MDH2: variants seen among roughly 807,000 people sequenced by gnomAD.
The protein encoded by MDH2 is malate dehydrogenase 2.
Under a neutral mutation model 33.6 loss-of-function variants are expected in MDH2, and 25 were observed. The ratio of observed to expected loss-of-function variants is 0.74; its 90% confidence interval spans 0.54 to 1.04. The LOEUF is 1.04. MDH2 is among the 50% of genes least tolerant of loss of function. The pLI is 0.00. For missense variants in MDH2, 432 were observed against 445.0 expected (o/e 0.97, Z 0.26); for synonymous variants, 193 against 188.7 (o/e 1.02, Z -0.19).
chr7:76,050,932 A>G (rs1426668255), intron 1 of MDH2, among the ~76,000 whole-genome samples: 2 of 152,186 alleles, frequency 1.3e-5, no homozygotes, highest in Non-Finnish European at 2.9e-5. Context: ...CCCAGGCTGG[A>G]GTACAGTGGC....
rs3757591 is a variant in MDH2, at chr7:76,061,045, G to A, written c.555+547G>A. Among the ~76,000 whole-genome samples the A allele has an allele frequency of 1.2e-4, 19 of 152,232 alleles. No individual in the cohort carries two copies. In the East Asian group the frequency reaches 3.5e-3, roughly 28 times the overall value. On this transcript the variant is annotated intron_variant, in intron 5 of 8. Transcript: ENST00000315758. Reference sequence around the variant, plus strand: ...TGGCCAGGTGCCTGACCCTAGGGCCGCTGGACGGAGACTGAGCTGCTGGGT... The same window carrying A: ...TGGCCAGGTGCCTGACCCTAGGGCCACTGGACGGAGACTGAGCTGCTGGGT...
intron 5 of MDH2, among the ~76,000 whole-genome samples, chr7:76,062,374 G>A (rs1554587136): frequency 6.6e-6 from 1 of 152,206 alleles, no homozygotes; most frequent in African/African-American, 2.4e-5. Context: ...TCAGCCCCAC[G>A]TCCCTGGTGA....
intron 1 of MDH2, among the ~76,000 whole-genome samples, chr7:76,053,111 C>T (rs1797671500): frequency 1.3e-5 from 2 of 152,180 alleles, no homozygotes; most frequent in Admixed American, 6.5e-5. Flanking sequence ...AGAGGAGGAG[C>T]GGGTTGGGAG....
At chr7:76,063,730 C>T (rs550013096) in intron 6 of MDH2, 138 bp downstream of exon 6, 12 of 787,144 alleles carry the variant, frequency 1.5e-5, no homozygotes, top group African/African-American at 1.2e-4. Flanking sequence ...TAGGCAGCCC[C>T]GCCCCTCTGC....
At chr7:76,048,561 C>A (rs149166475) in intron 1 of MDH2, 4 of 1,312,926 alleles carry the variant, frequency 3.0e-6, no homozygotes, top group Non-Finnish European at 3.9e-6. Flanking sequence ...AGTAAACTTA[C>A]GTTTTTTTCT....
At chr7:76,064,576 T>C (rs1798042837) in intron 7 of MDH2, 138 bp downstream of exon 7, 2 of 953,796 alleles carry the variant, frequency 2.1e-6, no homozygotes, top group South Asian at 1.7e-5. Flanking sequence ...GGAAAATCCC[T>C]GTGTGAGAGG....
chr7:76,057,955 T>C lies in MDH2; in HGVS notation c.320-14T>C, dbSNP rs782545519. 2 of 1,612,460 alleles carry C rather than the reference T, an allele frequency of 1.2e-6. No individual in the cohort carries two copies. Among genetic ancestry groups the C allele is most frequent in the East Asian group, 2.2e-5 (1 of 44,852 alleles). On this transcript the variant is annotated splice_polypyrimidine_tract_variant and intron_variant, in intron 3 of 8. Coordinates refer to ENST00000315758, the MANE Select transcript of MDH2 (RefSeq NM_005918.4). The stretch of plus-strand genomic sequence containing the variant: ...GGTGTTCTCTGTTAACATCTCATAT[T>C]GGATCATTTCCAGGCATGACCCGGG...
chr7:76,049,652 A>G (rs1797543091), intron 1 of MDH2, among the ~76,000 whole-genome samples: 1 of 152,142 alleles, frequency 6.6e-6, no homozygotes, highest in Admixed American at 6.6e-5. Flanking sequence ...GATATCCGAC[A>G]TATTTATTGA....
At chr7:76,061,492 A>G (rs1797947676) in intron 5 of MDH2, among the ~76,000 whole-genome samples, 1 of 152,164 alleles carries the variant, frequency 6.6e-6, no homozygotes, top group Non-Finnish European at 1.5e-5. Context: ...GAGACAGTTT[A>G]AGCCTGGCAC....
In MDH2 at chr7:76,057,412, T is replaced by C; in HGVS notation, c.238T>C (p.Tyr80His). 6.2e-7 allele frequency: 1 copy of C among 1,614,176 alleles called. No individual in the cohort carries two copies. The highest frequency in any genetic ancestry group is 2.2e-5 in the East Asian group (1 of 44,880). Residue 80 changes from tyrosine (Y) to histidine (H), a missense_variant and splice_region_variant, in exon 3 of 9, where the codon TAC becomes CAC. By Grantham distance (83) the Tyr-to-His change is moderately conservative (BLOSUM62 2). Coordinates refer to ENST00000315758, the MANE Select transcript of MDH2 (RefSeq NM_005918.4). ...HIETKAAVKG[Y>H]LGPEQLPDCL... is the part of the protein sequence containing the mutation. The stretch of plus-strand genomic sequence containing the variant: ...CTCTTGTGGGGTGTTTGTTCTAGGC[T>C]ACCTCGGACCTGAACAGCTGCCTGA...
chr7:76,064,675 C>A (rs139296737), intron 7 of MDH2, 127 bp from the exon 8 acceptor site: 1 of 1,108,932 alleles, frequency 9.0e-7, no homozygotes, highest in Non-Finnish European at 1.3e-6. Context: ...AACAAGAAAT[C>A]GGGGTGCTGA....
At position 76,060,506 on chromosome 7, in the gene MDH2, C is replaced by T. The variant is rs200420048; in HGVS notation, c.555+8C>T. 2.0e-3 allele frequency: 3,231 copies of T among 1,613,820 alleles called. 4 individuals carry two copies. Among genetic ancestry groups the T allele is most frequent in the Non-Finnish European group, 2.3e-3 (2,714 of 1,179,854 alleles). ...TTTGTTGCAGAGCTGAAGGTAAGGG[C>T]GGCGTGGGTGTTGCTCAGGTGACCT... On this transcript the variant is annotated splice_region_variant and intron_variant, in intron 5 of 8. Coordinates refer to ENST00000315758, the MANE Select transcript of MDH2 (RefSeq NM_005918.4).
chr7:76,049,183 G>T (rs779336232), intron 1 of MDH2: 27 of 860,596 alleles, frequency 3.1e-5, no homozygotes, highest in Non-Finnish European at 3.8e-5. Context: ...AATGCTCCTG[G>T]ATTGATGGCT....
intron 8 of MDH2, chr7:76,065,222 A>C: frequency 3.0e-6 from 1 of 334,666 alleles, no homozygotes; most frequent in Non-Finnish European, 5.5e-6. Flanking sequence ...CTGATAAGAC[A>C]CTCCATCTCC....
chr7:76,050,133 A>G (rs551475003), intron 1 of MDH2, among the ~76,000 whole-genome samples: 2 of 152,166 alleles, frequency 1.3e-5, no homozygotes, highest in East Asian at 1.9e-4. Context: ...GGCTCAAGCT[A>G]TCCTCCTGCC....
At chr7:76,060,267 C>A (rs1797908143) in intron 4 of MDH2, 106 bp from the exon 5 acceptor site, 27 of 1,422,350 alleles carry the variant, frequency 1.9e-5, no homozygotes, top group Non-Finnish European at 2.5e-5. Context: ...CATCTTTGGA[C>A]TAGTTAGACC....
Position 76,067,054 on chromosome 7 carries a change from G to C in MDH2, c.*644G>C, listed in dbSNP as rs1442136057. The C allele has an allele frequency of 6.6e-6, 1 of 152,216 alleles. No individual in the cohort carries two copies. The highest frequency in any genetic ancestry group is 1.5e-5 in the Non-Finnish European group (1 of 68,048). The allele number at this position is 152,216 out of a possible 1,614,324, so 9.4% of individuals were successfully genotyped here. A position where few individuals can be genotyped will look rare whatever the true frequency, so the allele number is the denominator to read the frequency against. ...GGGTAGACCAGGGTTGGGGTGTGCG[G>C]TTTGGGACAGCCCAAACCCCAGCCG... is the stretch of plus-strand genomic sequence containing the variant. On this transcript the variant is annotated 3_prime_UTR_variant, in exon 9 of 9. Transcript: ENST00000315758.
At chr7:76,060,004 G>A (rs1797901862) in intron 4 of MDH2, among the ~76,000 whole-genome samples, 1 of 152,276 alleles carries the variant, frequency 6.6e-6, no homozygotes, top group South Asian at 2.1e-4. Context: ...GCTGCCAGTG[G>A]ACCTGCTTCC....
rs782215508 is a variant in MDH2 at position 76,066,301 on chromosome 7, T to G, written c.908T>G (p.Leu303Arg). 5 of 1,610,110 alleles carry G rather than the reference T, an allele frequency of 3.1e-6. 1 individual carries two copies. The highest frequency in any genetic ancestry group is 4.2e-6 in the Non-Finnish European group (5 of 1,178,270). The change falls in exon 9 of 9, where the codon CTG becomes CGG. Residue 303 changes from leucine (L) to arginine (R), a missense_variant. Coordinates refer to ENST00000315758, the MANE Select transcript of MDH2 (RefSeq NM_005918.4). The stretch of plus-strand genomic sequence containing the variant: ...CAGAAAAAGGGCATCGAGAAGAACC[T>G]GGGCATCGGCAAAGTCTCCTCTTTT... The part of the protein sequence containing the change: ...LLGKKGIEKN[L>R]GIGKVSSFEE...
Sources: gnomAD v4.1 joint callset for allele counts (sites outside exome capture counted in the v4.1 genomes callset) on GRCh38, gnomAD v4.1.1 for gene constraint, MANE v1.5 for transcripts, NCBI Gene and HGNC (gene_info 2026-07-23, HGNC 2026-07-21) for gene names.